The following VPS37A variants were observed in gnomAD, a reference collection of about 807,000 sequenced individuals.
VPS37A encodes the protein VPS37A subunit of ESCRT-I.
Under a neutral mutation model 49.8 loss-of-function variants are expected in VPS37A, and 30 were observed. The observed-to-expected ratio is 0.60, with a 90% confidence interval of 0.45 to 0.82. The LOEUF is 0.82. Among genes scored for constraint, VPS37A ranks in the 40% least tolerant of loss-of-function variants. The pLI is 0.00. For missense variants in VPS37A, 593 were observed against 464.4 expected (o/e 1.28, Z -2.55); for synonymous variants, 195 against 160.6 (o/e 1.21, Z -1.62).
Position 17,280,092 on chromosome 8 carries a change from C to A in VPS37A, c.778C>A (p.Pro260Thr). The A allele has an allele frequency of 6.2e-7, 1 of 1,612,580 alleles. No homozygotes were observed. The highest frequency in any genetic ancestry group is 8.5e-7 in the Non-Finnish European group (1 of 1,179,248). ...ATTACTAGAACAGTTTCTGACTTTG[C>A]CTCAACTAAAACAAATTATTACCGA... Reference protein sequence around the residue: ...EVLLEQFLTLPQLKQIITDKD... With the variant: ...EVLLEQFLTLTQLKQIITDKD... The change falls in exon 7 of 12, where the codon CCT becomes ACT. Residue 260 changes from proline to threonine, a missense_variant. By Grantham distance (38) the Pro-to-Thr change is conservative. Transcript: ENST00000324849.
At chr8:17,319,391 G>A in the VPS37A span, among the ~76,000 whole-genome samples, 34 of 152,264 alleles carry the variant, frequency 2.2e-4, no homozygotes, top group South Asian at 3.3e-3. Context: ...GGGTGTCCTG[G>A]GAGGAAGGAG....
intron 1 of VPS37A, among the ~76,000 whole-genome samples, chr8:17,255,147 T>C (rs1200545674): frequency 6.6e-6 from 1 of 152,166 alleles, no homozygotes; most frequent in Non-Finnish European, 1.5e-5. Context: ...CTGAGTCTTA[T>C]GAAATCAAAC....
chr8:17,309,646 CTT>C, the VPS37A span, among the ~76,000 whole-genome samples: 1 of 152,170 alleles, frequency 6.6e-6, no homozygotes, highest in East Asian at 1.9e-4. Flanking sequence ...TATTCTCACT[CTT>C]TTAGAAGGGG....
chr8:17,264,604 T>G (rs1177968288), intron 1 of VPS37A, among the ~76,000 whole-genome samples: 1 of 152,204 alleles, frequency 6.6e-6, no homozygotes, highest in Middle Eastern at 3.2e-3. Context: ...ATCTTAAGAT[T>G]TACATATCCT....
the VPS37A span, among the ~76,000 whole-genome samples, chr8:17,318,642 G>C: frequency 6.6e-6 from 1 of 152,178 alleles, no homozygotes; most frequent in Non-Finnish European, 1.5e-5. Context: ...CAGGTTTCCT[G>C]AGATTCTCTT....
chr8:17,261,812 C>T (rs1183076830), intron 1 of VPS37A, among the ~76,000 whole-genome samples: 1 of 152,208 alleles, frequency 6.6e-6, no homozygotes, highest in Non-Finnish European at 1.5e-5. Flanking sequence ...TGGAATATAT[C>T]TCCTACAACA....
the VPS37A span, among the ~76,000 whole-genome samples, chr8:17,316,023 T>G: frequency 6.6e-6 from 1 of 152,122 alleles, no homozygotes; most frequent in African/African-American, 2.4e-5. Flanking sequence ...CTCTAAAAAA[T>G]AAAGTTACAA....
Position 17,297,245 on chromosome 8 carries a change from ATATCT to A in VPS37A, c.*2262_*2266del, listed in dbSNP as rs1816731849. ...GTCATAGGTAGAGATTTAAAGGTTA[ATATCT>A]TAAAATAGAAGAAAATTCTAAATCA... On this transcript the variant is annotated 3_prime_UTR_variant, in exon 12 of 12. Coordinates refer to ENST00000324849, the MANE Select transcript of VPS37A (RefSeq NM_152415.3). 6.6e-6 allele frequency: 1 copy of A among 152,144 alleles called. No homozygotes were observed. The highest frequency in any genetic ancestry group is 1.5e-5 in the Non-Finnish European group (1 of 67,992). The allele number at this position is 152,144 out of a possible 1,614,324, so 9.4% of individuals were successfully genotyped here. A position where few individuals can be genotyped will look rare whatever the true frequency, so the allele number is the denominator to read the frequency against.
chr8:17,283,630 G>T (rs1815308514), intron 9 of VPS37A, among the ~76,000 whole-genome samples: 1 of 152,122 alleles, frequency 6.6e-6, no homozygotes, highest in Non-Finnish European at 1.5e-5. Context: ...TAACTGGACT[G>T]GGCTCCCTGG....
chr8:17,287,782 C>G (rs754363822), intron 11 of VPS37A, among the ~76,000 whole-genome samples: 1 of 152,110 alleles, frequency 6.6e-6, no homozygotes, highest in Non-Finnish European at 1.5e-5. Flanking sequence ...CCCTGGAGTT[C>G]TAGAACATTC....
At chr8:17,267,473 G>GTGTT (rs1442456689) in intron 2 of VPS37A, among the ~76,000 whole-genome samples, 167 of 152,026 alleles carry the variant, frequency 1.1e-3, no homozygotes, top group African/African-American at 3.9e-3. Context: ...CTGCTTGTGT[G>GTGTT]TGTGTGTGTG....
At chr8:17,260,082 A>G (rs1812831959) in intron 1 of VPS37A, among the ~76,000 whole-genome samples, 1 of 152,104 alleles carries the variant, frequency 6.6e-6, no homozygotes, top group African/African-American at 2.4e-5. Context: ...TTGATAAGTA[A>G]GGACTTCTTC....
downstream of VPS37A, chr8:17,305,870 A>C: frequency 1.2e-6 from 2 of 1,613,744 alleles, no homozygotes; most frequent in Non-Finnish European, 1.7e-6. Context: ...AGGCACAGGG[A>C]AATTGTTCCA....
chr8:17,247,296 TC>T lies in VPS37A; in HGVS notation c.57del (p.Gly20ValfsTer13). 6.4e-7 allele frequency: 1 copy of T among 1,562,962 alleles called. No individual in the cohort carries two copies. On this transcript the variant is annotated frameshift_variant, in exon 1 of 12. Transcript: ENST00000324849. LOFTEE classifies it high-confidence loss of function. ...TKSASSSAAG[S>X]PGGLTSLQQQ... Reference sequence around the variant, plus strand: ...GAGCGCCTCCTCCTCCGCGGCTGGGTCCCCCGGTGGCCTCACCAGCCTCCAG... The same window carrying T: ...GAGCGCCTCCTCCTCCGCGGCTGGGTCCCCGGTGGCCTCACCAGCCTCCAG...
chr8:17,304,876 C>T (rs910440794), downstream of VPS37A, among the ~76,000 whole-genome samples: 1 of 152,002 alleles, frequency 6.6e-6, no homozygotes, highest in Non-Finnish European at 1.5e-5. Flanking sequence ...TTAATCCTCA[C>T]TGAGTTGCTG....
At chr8:17,273,792 T>G (rs1229543105) in intron 4 of VPS37A, among the ~76,000 whole-genome samples, 1 of 152,142 alleles carries the variant, frequency 6.6e-6, no homozygotes, top group Non-Finnish European at 1.5e-5. Context: ...AAAAATGTTT[T>G]CTTCCCACAA....
chr8:17,282,867 C>T (rs1187858423), intron 9 of VPS37A, among the ~76,000 whole-genome samples: 3 of 152,244 alleles, frequency 2.0e-5, no homozygotes, highest in Admixed American at 6.5e-5. Flanking sequence ...CTTCATTAGA[C>T]CATTGGTTCC....
rs538202176 is a variant in VPS37A, at chr8:17,282,013, A to G, written c.969+1570A>G. On this transcript the variant is annotated intron_variant, in intron 9 of 11. Transcript: ENST00000324849. ...GAATACAGTTCTTATCAAAATGCCAAGAATATTTTTTTTATCTTAACAGTT... is the reference window on the plus strand; with the variant it reads ...GAATACAGTTCTTATCAAAATGCCAGGAATATTTTTTTTATCTTAACAGTT... 7.2e-5 allele frequency among the ~76,000 whole-genome samples: 11 copies of G among 152,214 alleles called. No individual in the cohort carries two copies. In the East Asian group the frequency reaches 2.1e-3, roughly 29 times the overall value.
At chr8:17,262,230 G>A (rs900446723) in intron 1 of VPS37A, among the ~76,000 whole-genome samples, 18 of 151,878 alleles carry the variant, frequency 1.2e-4, no homozygotes, top group South Asian at 2.1e-4. Flanking sequence ...CTGGGATGTC[G>A]TTGGTGTTAA....
Sources: gnomAD v4.1 joint callset for allele counts (sites outside exome capture counted in the v4.1 genomes callset) on GRCh38, gnomAD v4.1.1 for gene constraint, MANE v1.5 for transcripts, NCBI Gene and HGNC (gene_info 2026-07-23, HGNC 2026-07-21) for gene names.